The following UIMC1 variants were observed in gnomAD, a reference collection of about 807,000 sequenced individuals.
UIMC1 encodes BRCA1-A complex subunit RAP80.
In UIMC1, 42 loss-of-function variants were observed where a neutral mutation model predicts 84.9. The ratio of observed to expected loss-of-function variants is 0.49; its 90% CI spans 0.39 to 0.64. The LOEUF (loss-of-function observed/expected upper bound fraction) is 0.64. Among genes scored for constraint, UIMC1 ranks in the 30% least tolerant of loss-of-function variants. UIMC1 has a pLI of 0.00. For synonymous variants in UIMC1, 281 were observed against 293.0 expected (o/e 0.96, Z 0.42); for missense variants, 825 against 847.6 (o/e 0.97, Z 0.33).
At position 176,905,132 on chromosome 5, in the gene UIMC1, AAACAT is replaced by A. The variant is rs925564313; in HGVS notation, c.*145_*149del. On this transcript the variant is annotated 3_prime_UTR_variant, in exon 15 of 15. Coordinates refer to ENST00000511320, the MANE Select transcript of UIMC1 (RefSeq NM_001199298.2). ...CACAGTTGTCTGCATAGATCATAAA[AAACAT>A]AAAAACCAGAATGCTGGGTAGGTGC... The A allele has an allele frequency of 1.4e-6, 1 of 720,684 alleles. No individual in the cohort carries two copies. The allele number at this position is 720,684 out of a possible 1,614,324, so 44.6% of individuals were successfully genotyped here.
intron 3 of UIMC1, among the ~76,000 whole-genome samples, chr5:176,972,490 C>A (rs1769396542): frequency 6.6e-6 from 1 of 152,022 alleles, no homozygotes; most frequent in African/African-American, 2.4e-5. Context: ...AATCCCAGCA[C>A]TTTGGGAGGC....
At chr5:176,953,123 T>C (rs1396833139) in intron 8 of UIMC1, among the ~76,000 whole-genome samples, 1 of 152,118 alleles carries the variant, frequency 6.6e-6, no homozygotes, top group Admixed American at 6.5e-5. Flanking sequence ...CAGCGGGAAG[T>C]TGTCTGGCTC....
At chr5:176,939,252 G>A (rs1581455271) in intron 10 of UIMC1, among the ~76,000 whole-genome samples, 1 of 125,900 alleles carries the variant, frequency 7.9e-6, no homozygotes, top group African/African-American at 3.1e-5. Flanking sequence ...GTGAGATCCT[G>A]TCTCAAAAAA....
intron 6 of UIMC1, among the ~76,000 whole-genome samples, chr5:176,961,552 G>GC (rs1767433879): frequency 4.4e-5 from 2 of 44,952 alleles, no homozygotes; most frequent in Non-Finnish European, 8.1e-5. Context: ...GGGGGGGTCA[G>GC]CCCCCCGCCC....
chr5:176,967,191 T>C (rs1561842285), intron 6 of UIMC1, among the ~76,000 whole-genome samples: 1 of 152,050 alleles, frequency 6.6e-6, no homozygotes, highest in African/African-American at 2.4e-5. Flanking sequence ...AATTATCATA[T>C]AATACAAATA....
chr5:176,941,348 TAG>T (rs1764397551), intron 10 of UIMC1, among the ~76,000 whole-genome samples: 2 of 152,104 alleles, frequency 1.3e-5, no homozygotes, highest in South Asian at 2.1e-4. Flanking sequence ...GAATAATATA[TAG>T]AGAGAGCTAT....
In UIMC1 at chr5:176,907,023, A is replaced by G. The variant is rs575059829; in HGVS notation, c.1912+91T>C. 116 of 1,346,334 alleles carry G rather than the reference A, an allele frequency of 8.6e-5. 4 individuals carry two copies. In the South Asian group the frequency reaches 1.4e-3, roughly 17 times the overall value. 83.4% of individuals were successfully genotyped at this position (1,346,334 alleles called of 1,614,324 possible). ...GACTGGATCACGTGTGTACCCAGAT[A>G]ACCACAGCAAATAGTCAGGGGGCTG... On this transcript the variant is annotated intron_variant, in intron 13 of 14. Transcript: ENST00000511320.
intron 10 of UIMC1, among the ~76,000 whole-genome samples, chr5:176,924,034 C>A (rs911381384): frequency 6.7e-6 from 1 of 149,344 alleles, no homozygotes; most frequent in African/African-American, 2.5e-5. Flanking sequence ...CTACCACAAT[C>A]TGGCCGGGCA....
chr5:177,009,997 A>G (rs766313920), upstream of UIMC1, among the ~76,000 whole-genome samples: 1 of 152,158 alleles, frequency 6.6e-6, no homozygotes, highest in African/African-American at 2.4e-5. The surrounding 1 kb of genome is among the most constrained non-coding windows in gnomAD (Gnocchi z 4.3). Context: ...GTCTCAAAAA[A>G]TTAAATTAAA....
intron 10 of UIMC1, 58 bp downstream of exon 10, chr5:176,943,277 G>T: frequency 6.3e-7 from 1 of 1,589,076 alleles, no homozygotes; most frequent in Non-Finnish European, 8.6e-7. Flanking sequence ...GTAATGTATA[G>T]GATTATAAAA....
intron 10 of UIMC1, among the ~76,000 whole-genome samples, chr5:176,921,567 T>C (rs1171230147): frequency 1.3e-5 from 2 of 152,210 alleles, no homozygotes; most frequent in East Asian, 1.9e-4. Flanking sequence ...ATTAACCCAG[T>C]TGCTTGGGGC....
intron 1 of UIMC1, among the ~76,000 whole-genome samples, chr5:176,983,018 G>A (rs184713230): frequency 6.6e-5 from 10 of 151,832 alleles, no homozygotes; most frequent in Non-Finnish European, 1.0e-4. Flanking sequence ...TATTTTTGTA[G>A]AGACTGGGTT....
rs556565539 is a variant in UIMC1, at chr5:177,020,667, G to A, written c.-9+1797C>T. Among the ~76,000 whole-genome samples the A allele has an allele frequency of 1.4e-3, 209 of 152,188 alleles. 2 individuals are homozygous for A. The highest frequency in any genetic ancestry group is 4.5e-3 in the African/African-American group (187 of 41,528). The stretch of plus-strand genomic sequence containing the variant: ...AGGATGGTCTTGATCTTCTGACCTC[G>A]TGATCCACCTGCCTCGGCCTCCCAA... On this transcript the variant is annotated intron_variant, in intron 1 of 5. Coordinates refer to the UIMC1 transcript ENST00000509236.
At chr5:176,945,094 A>C (rs1764911689) in intron 9 of UIMC1, among the ~76,000 whole-genome samples, 1 of 152,212 alleles carries the variant, frequency 6.6e-6, no homozygotes, top group Non-Finnish European at 1.5e-5. Context: ...TTGTGGCAGA[A>C]ATAAAAAGCC....
At chr5:176,941,105 T>C (rs1201319403) in intron 10 of UIMC1, among the ~76,000 whole-genome samples, 1 of 152,226 alleles carries the variant, frequency 6.6e-6, no homozygotes, top group South Asian at 2.1e-4. Context: ...ACGCAGTAAC[T>C]TGAAGCATTT....
intron 1 of UIMC1, among the ~76,000 whole-genome samples, chr5:176,987,986 T>A (rs1772275404): frequency 6.6e-6 from 1 of 151,434 alleles, no homozygotes; most frequent in Admixed American, 6.6e-5. Flanking sequence ...TGTAGCCAGA[T>A]GTGGTGGCGC....
chr5:176,969,367 A>G, intron 5 of UIMC1, 76 bp from the exon 6 acceptor site: 1 of 1,515,066 alleles, frequency 6.6e-7, no homozygotes. Context: ...ATCACTTACC[A>G]AGAATTACAT....
intron 3 of UIMC1, among the ~76,000 whole-genome samples, chr5:176,971,869 A>G (rs1769285959): frequency 6.6e-6 from 1 of 151,920 alleles, no homozygotes; most frequent in Admixed American, 6.6e-5. Context: ...AAACCATGCC[A>G]TTGCACTCCA....
At chr5:177,002,517 T>C (rs1445937065) in intron 1 of UIMC1, among the ~76,000 whole-genome samples, 1 of 151,864 alleles carries the variant, frequency 6.6e-6, no homozygotes, top group Non-Finnish European at 1.5e-5. Context: ...AAATAATAAA[T>C]ATGGCTGGGC....
Sources: gnomAD v4.1 joint callset for allele counts (sites outside exome capture counted in the v4.1 genomes callset) on GRCh38, gnomAD v4.1.1 for gene constraint, Gnocchi (gnomAD v3.1) non-coding constraint, MANE v1.5 for transcripts, NCBI Gene and HGNC (gene_info 2026-07-23, HGNC 2026-07-21) for gene names.